Variants in RORA observed in about 807,000 individuals in gnomAD.
RORA encodes the protein RAR related orphan receptor A.
A neutral mutation model predicts 69.5 loss-of-function variants in RORA; 7 were observed. The ratio of observed to expected loss-of-function variants is 0.10; its 90% CI spans 0.06 to 0.19. RORA has a LOEUF of 0.19. RORA is among the 10% of genes least tolerant of loss of function. The pLI is 1.00. For missense variants in RORA, 457 were observed against 663.0 expected (o/e 0.69, Z 3.41); for synonymous variants, 261 against 240.8 (o/e 1.08, Z -0.78).
rs533337253 is a variant in RORA at position 61,017,466 on chromosome 15, A to G, written c.166+211587T>C. Among the ~76,000 whole-genome samples, 135 of 152,336 alleles carry G rather than the reference A, an allele frequency of 8.9e-4. No individual in the cohort carries two copies. In the South Asian group the frequency reaches 0.028, roughly 32 times the overall value. ...AAAACTATACATAAACTTGACTCCA[A>G]TATCTCAAGAACACAAATTGAGTCT... On this transcript the variant is annotated intron_variant, in intron 1 of 10. Coordinates refer to ENST00000335670, the MANE Select transcript of RORA (RefSeq NM_134261.3).
chr15:60,515,928 T>C (rs2065858243), intron 3 of RORA, among the ~76,000 whole-genome samples: 2 of 39,684 alleles, frequency 5.0e-5, no homozygotes, highest in African/African-American at 2.9e-4. Context: ...TATATATATT[T>C]ATATATATAT....
At chr15:60,612,661 G>GTTTTTTTTTTTTTTTT (rs71122864) in intron 2 of RORA, among the ~76,000 whole-genome samples, 22 of 107,142 alleles carry the variant, frequency 2.1e-4, no homozygotes, top group South Asian at 3.2e-4. Context: ...CTCTCTCTCT[G>GTTTTTTTTTTTTTTTT]TTTTTTTTTT....
intron 2 of RORA, among the ~76,000 whole-genome samples, chr15:60,591,158 C>T (rs1363020129): frequency 6.6e-6 from 1 of 152,200 alleles, no homozygotes; most frequent in Non-Finnish European, 1.5e-5. Context: ...CAGTCTGGGT[C>T]TGCACAATTG....
chr15:61,149,568 G>C (rs1279418100), intron 1 of RORA, among the ~76,000 whole-genome samples: 1 of 152,158 alleles, frequency 6.6e-6, no homozygotes, highest in Non-Finnish European at 1.5e-5. Context: ...GCAAAGGAGT[G>C]ATGTGCCATA....
intron 1 of RORA, among the ~76,000 whole-genome samples, chr15:61,216,925 C>T (rs925216357): frequency 6.6e-6 from 1 of 152,194 alleles, no homozygotes; most frequent in African/African-American, 2.4e-5. Flanking sequence ...CACATATTGT[C>T]TCCCAACACG....
chr15:60,672,931 C>T (rs370563924), intron 2 of RORA, among the ~76,000 whole-genome samples: 179 of 152,156 alleles, frequency 1.2e-3, no homozygotes, highest in African/African-American at 4.0e-3. Context: ...AGACATCTAG[C>T]GCTTTTTAAA....
chr15:60,809,156 C>G (rs2072706435), intron 1 of RORA, among the ~76,000 whole-genome samples: 1 of 147,784 alleles, frequency 6.8e-6, no homozygotes, highest in Non-Finnish European at 1.5e-5. Context: ...ACTTGTTCCC[C>G]CAAAACCCAT....
intron 1 of RORA, among the ~76,000 whole-genome samples, chr15:61,040,756 T>C (rs1477472244): frequency 6.6e-6 from 1 of 152,114 alleles, no homozygotes; most frequent in Non-Finnish European, 1.5e-5. Flanking sequence ...TACAGACAAG[T>C]AAAAACTCAT....
At chr15:61,055,243 C>A (rs369375557) in intron 1 of RORA, among the ~76,000 whole-genome samples, 1 of 152,178 alleles carries the variant, frequency 6.6e-6, no homozygotes, top group South Asian at 2.1e-4. Flanking sequence ...TTTAAAAATT[C>A]GAATTTATTT....
chr15:61,060,074 C>A (rs1192218141), intron 1 of RORA, among the ~76,000 whole-genome samples: 1 of 151,596 alleles, frequency 6.6e-6, no homozygotes, highest in African/African-American at 2.4e-5. Flanking sequence ...AAGCACCACC[C>A]AACTACTAGT....
chr15:60,679,846 G>A (rs1050599421), intron 1 of RORA, among the ~76,000 whole-genome samples: 3 of 152,134 alleles, frequency 2.0e-5, no homozygotes, highest in Admixed American at 1.3e-4. Context: ...CTTATTTAGG[G>A]AAGTTGAAAT....
At chr15:61,094,544 C>T (rs1016640553) in intron 1 of RORA, among the ~76,000 whole-genome samples, 1 of 152,118 alleles carries the variant, frequency 6.6e-6, no homozygotes, top group Non-Finnish European at 1.5e-5. Flanking sequence ...CAGCATTGGT[C>T]CCACTTCTCT....
At chr15:60,812,065 T>C (rs1314874956) in intron 1 of RORA, among the ~76,000 whole-genome samples, 1 of 152,238 alleles carries the variant, frequency 6.6e-6, no homozygotes, top group Admixed American at 6.5e-5. Context: ...TTTATAAGCA[T>C]GGCATCTCTG....
rs1486802381 is a variant in RORA, at chr15:61,128,840, T to C, written c.166+100213A>G. ...CTAAGCAAAGTCAATCAGCACACGA[T>C]GGCCCCAGGAATGAGAGCAACCAAC... On this transcript the variant is annotated intron_variant, in intron 1 of 10. Coordinates refer to ENST00000335670, the MANE Select transcript of RORA (RefSeq NM_134261.3). The surrounding 1 kb of genome is among the most constrained non-coding windows in gnomAD (Gnocchi z 4.5). Among the ~76,000 whole-genome samples the C allele has an allele frequency of 6.6e-6, 1 of 152,156 alleles. No individual in the cohort carries two copies. Among genetic ancestry groups the C allele is most frequent in the Non-Finnish European group, 1.5e-5 (1 of 68,024 alleles).
intron 1 of RORA, among the ~76,000 whole-genome samples, chr15:61,062,912 T>C (rs779386754): frequency 2.6e-5 from 4 of 152,212 alleles, no homozygotes; most frequent in Non-Finnish European, 5.9e-5. Flanking sequence ...ACTCTTGTTT[T>C]CTATATTTGT....
chr15:61,175,595 G>A (rs2140898072), intron 1 of RORA, among the ~76,000 whole-genome samples: 1 of 116,986 alleles, frequency 8.5e-6, no homozygotes, highest in African/African-American at 2.8e-5. Flanking sequence ...TGTGGTCCCA[G>A]CTACTTGGAA....
chr15:60,592,452 A>G, intron 2 of RORA: 4 of 1,404,100 alleles, frequency 2.8e-6, no homozygotes, highest in Non-Finnish European at 3.7e-6. Context: ...GGGAGAGCGG[A>G]TGGTCCGACC....
intron 2 of RORA, among the ~76,000 whole-genome samples, chr15:60,608,936 AC>A (rs2069016223): frequency 6.6e-6 from 1 of 152,162 alleles, no homozygotes; most frequent in African/African-American, 2.4e-5. Context: ...TTTCTGTGTG[AC>A]CGAGAAACAC....
chr15:60,785,805 T>G (rs757886885), intron 1 of RORA, among the ~76,000 whole-genome samples: 5 of 152,236 alleles, frequency 3.3e-5, no homozygotes, highest in Non-Finnish European at 5.9e-5. Flanking sequence ...GAGGCTAAAG[T>G]ATTTCCAGGG....
Sources: gnomAD v4.1 joint callset for allele counts (sites outside exome capture counted in the v4.1 genomes callset) on GRCh38, gnomAD v4.1.1 for gene constraint, Gnocchi (gnomAD v3.1) non-coding constraint, MANE v1.5 for transcripts, NCBI Gene and HGNC (gene_info 2026-07-23, HGNC 2026-07-21) for gene names.